SPIDR: variants seen among roughly 807,000 people sequenced by gnomAD.
The protein encoded by SPIDR is scaffold protein involved in DNA repair, also known as DNA repair-scaffolding protein.
A neutral mutation model predicts 104.6 loss-of-function variants in SPIDR; 93 were observed. The observed-to-expected ratio is 0.89, with a 90% CI of 0.75 to 1.06. The LOEUF (loss-of-function observed/expected upper bound fraction) is 1.06. Among genes scored for constraint, SPIDR ranks in the 50% least tolerant of loss-of-function variants. SPIDR has a pLI of 0.00. For synonymous variants in SPIDR, 431 were observed against 416.9 expected (o/e 1.03, Z -0.41); for missense variants, 1,154 against 1,111.2 (o/e 1.04, Z -0.55).
intron 10 of SPIDR, among the ~76,000 whole-genome samples, chr8:47,634,898 C>T (rs969763937): frequency 6.6e-6 from 1 of 152,218 alleles, no homozygotes; most frequent in African/African-American, 2.4e-5. Flanking sequence ...AAGTTTTTCA[C>T]CATCCAGATT....
intron 5 of SPIDR, among the ~76,000 whole-genome samples, chr8:47,327,391 CTTTT>C (rs375122007): frequency 2.3e-5 from 3 of 132,576 alleles, no homozygotes; most frequent in Admixed American, 7.5e-5. Context: ...GGTTTTTTCA[CTTTT>C]TTTTTTTTTT....
intron 16 of SPIDR, 64 bp from the exon 17 acceptor site, chr8:47,727,136 G>A: frequency 7.1e-7 from 1 of 1,405,070 alleles, no homozygotes; most frequent in Non-Finnish European, 1.0e-6. Context: ...TGCACGTGGA[G>A]GAGCAGAGGA....
intron 7 of SPIDR, among the ~76,000 whole-genome samples, chr8:47,417,538 G>A (rs1322097546): frequency 1.3e-5 from 2 of 152,046 alleles, no homozygotes; most frequent in African/African-American, 4.8e-5. Flanking sequence ...TTGTCAGATG[G>A]GTAGACTGCA....
At chr8:47,400,399 A>T (rs2061719047) in intron 6 of SPIDR, among the ~76,000 whole-genome samples, 1 of 152,196 alleles carries the variant, frequency 6.6e-6, no homozygotes, top group Non-Finnish European at 1.5e-5. Flanking sequence ...TAAAAATGAG[A>T]TTGATGTGCT....
chr8:47,280,163 C>T, intron 2 of SPIDR, 146 bp downstream of exon 2: 1 of 622,600 alleles, frequency 1.6e-6, no homozygotes, highest in Non-Finnish European at 2.5e-6. Flanking sequence ...GCCTTTCATT[C>T]CTTGAATTCC....
In SPIDR at chr8:47,563,845, T is replaced by G. The variant is rs551410346; in HGVS notation, c.1098-31966T>G. ...GGGATTAATACCTATGAATAATTTT[T>G]TAGTTGCTCTTGTTGGAAGTAAGAG... On this transcript the variant is annotated intron_variant, in intron 8 of 19. Transcript: ENST00000297423. Among the ~76,000 whole-genome samples, 10 of 152,276 alleles carry G rather than the reference T, an allele frequency of 6.6e-5. No individual in the cohort carries two copies. The South Asian group carries it at 1.5e-3, about 22-fold the overall frequency.
intron 10 of SPIDR, among the ~76,000 whole-genome samples, chr8:47,620,267 T>A (rs2064940694): frequency 1.5e-5 from 2 of 135,250 alleles, no homozygotes; most frequent in Admixed American, 1.8e-4. Context: ...AACTCACCAT[T>A]TAAACCTTTT....
intron 8 of SPIDR, chr8:47,547,099 C>T (rs1448027173): frequency 1.8e-6 from 1 of 560,306 alleles, no homozygotes; most frequent in Admixed American, 2.1e-5. Flanking sequence ...TTGCCAGTTT[C>T]CAAATCAATC....
intron 8 of SPIDR, among the ~76,000 whole-genome samples, chr8:47,473,330 C>T (rs1554722047): frequency 6.6e-6 from 1 of 152,076 alleles, no homozygotes; most frequent in East Asian, 1.9e-4. Flanking sequence ...CTTTTTTCAA[C>T]ATAATCTATA....
intron 8 of SPIDR, among the ~76,000 whole-genome samples, chr8:47,485,940 C>T (rs541999656): frequency 2.6e-5 from 4 of 152,290 alleles, no homozygotes; most frequent in Non-Finnish European, 4.4e-5. Flanking sequence ...CAAATCAGAG[C>T]GCCTGTCCCC....
chr8:47,603,917 T>C (rs1386733951), intron 10 of SPIDR, among the ~76,000 whole-genome samples: 1 of 152,208 alleles, frequency 6.6e-6, no homozygotes, highest in African/African-American at 2.4e-5. Context: ...TTTTGGTCTT[T>C]TGGCCTTTGC....
At chr8:47,664,743 CAAAAA>C (rs771963348) in intron 10 of SPIDR, among the ~76,000 whole-genome samples, 3 of 63,528 alleles carry the variant, frequency 4.7e-5, no homozygotes, top group Non-Finnish European at 8.2e-5. Flanking sequence ...CCCATCTCTA[CAAAAA>C]AAAAAAAAAA....
rs568525140 is a variant in SPIDR at position 47,698,360 on chromosome 8, C to G, written c.1686-2043C>G. ...CTGTGCCAAAAGTGAGCTTCTACAC[C>G]AAGTCTATGCCCAGCAGAGGCGGGA... On this transcript the variant is annotated intron_variant, in intron 11 of 19. Transcript: ENST00000297423. Among the ~76,000 whole-genome samples the G allele has an allele frequency of 3.9e-5, 6 of 152,122 alleles. No homozygotes were observed. The South Asian group carries it at 1.2e-3, about 31-fold the overall frequency.
chr8:47,282,799 A>G lies in SPIDR; in HGVS notation c.190-1229A>G, dbSNP rs921021846. Among the ~76,000 whole-genome samples the G allele has an allele frequency of 7.9e-5, 12 of 151,928 alleles. No homozygotes were observed. In the South Asian group the frequency reaches 1.0e-3, roughly 13 times the overall value. ...GCTCAAGAGGTCTAGCTTTTAGCCTATCTTAGTTTTTGTCATGCCTTCCTA... is the reference window on the plus strand; with the variant it reads ...GCTCAAGAGGTCTAGCTTTTAGCCTGTCTTAGTTTTTGTCATGCCTTCCTA... On this transcript the variant is annotated intron_variant, in intron 2 of 19. Coordinates refer to ENST00000297423, the MANE Select transcript of SPIDR (RefSeq NM_001080394.4).
intron 8 of SPIDR, chr8:47,547,418 T>C: frequency 3.9e-6 from 1 of 258,204 alleles, no homozygotes; most frequent in Non-Finnish European, 7.8e-6. Context: ...TCTTTTTTTG[T>C]ATATTTTTAA....
chr8:47,299,875 G>A (rs1260357020), intron 5 of SPIDR, among the ~76,000 whole-genome samples: 1 of 152,124 alleles, frequency 6.6e-6, no homozygotes, highest in South Asian at 2.1e-4. Context: ...GAGGATTTTT[G>A]CATCGATGTT....
intron 8 of SPIDR, among the ~76,000 whole-genome samples, chr8:47,500,232 T>C (rs1178683484): frequency 1.3e-5 from 2 of 152,224 alleles, no homozygotes; most frequent in African/African-American, 2.4e-5. Flanking sequence ...ACTTCCACAA[T>C]GGTTGAACTA....
intron 19 of SPIDR, among the ~76,000 whole-genome samples, chr8:47,734,053 C>T (rs2085739443): frequency 1.3e-5 from 2 of 152,140 alleles, no homozygotes; most frequent in African/African-American, 4.8e-5. Context: ...ACAAAACAAA[C>T]CATCTCAAAA....
chr8:47,268,573 T>C (rs1033331466), intron 1 of SPIDR, among the ~76,000 whole-genome samples: 2 of 152,202 alleles, frequency 1.3e-5, no homozygotes, highest in African/African-American at 4.8e-5. Flanking sequence ...TTTTTGATGC[T>C]ATTTTGAATG....
Sources: allele counts gnomAD v4.1 joint callset (sites outside exome capture counted in the v4.1 genomes callset), GRCh38; gene constraint gnomAD v4.1.1; transcripts MANE v1.5; gene names NCBI Gene and HGNC (gene_info 2026-07-23, HGNC 2026-07-21).